The following CSMD1 variants were observed in gnomAD, a reference collection of about 807,000 sequenced individuals.
CSMD1 encodes the protein CUB and sushi domain-containing protein 1.
In CSMD1, 213 loss-of-function variants were observed where a neutral mutation model predicts 417.5. The ratio of observed to expected loss-of-function variants is 0.51; its 90% confidence interval spans 0.46 to 0.57. CSMD1 has a LOEUF of 0.57. CSMD1 is among the 20% of genes least tolerant of loss of function. The probability of loss-of-function intolerance (pLI) is 0.00; values close to 1 mark genes in which losing one functional copy is unlikely to be tolerated. For missense variants in CSMD1, 6,923 were observed against 4,529.7 expected, an observed-to-expected ratio of 1.53 and a Z score of -15.17; for synonymous variants, 2,862 against 1,736.8, an observed-to-expected ratio of 1.65 and a Z score of -16.11.
chr8:3,989,883 C>A (rs1487761300), intron 5 of CSMD1, among the ~76,000 whole-genome samples: 1 of 152,168 alleles, frequency 6.6e-6, no homozygotes, highest in South Asian at 2.1e-4. Flanking sequence ...ACCTTATTCT[C>A]CTAACCAGTC....
chr8:3,021,728 C>T (rs566450704), intron 51 of CSMD1, among the ~76,000 whole-genome samples: 11 of 120,910 alleles, frequency 9.1e-5, no homozygotes, highest in Middle Eastern at 4.0e-3. Context: ...CCTGCAATCC[C>T]GCAGCATCTG....
intron 6 of CSMD1, among the ~76,000 whole-genome samples, chr8:3,735,422 C>T (rs894098703): frequency 1.3e-5 from 2 of 152,128 alleles, no homozygotes; most frequent in African/African-American, 4.8e-5. Context: ...TAGATGATTC[C>T]AGAATGCATC....
intron 3 of CSMD1, among the ~76,000 whole-genome samples, chr8:4,397,955 T>A (rs966473808): frequency 1.3e-5 from 2 of 152,202 alleles, no homozygotes; most frequent in African/African-American, 4.8e-5. Context: ...AAATGGGTTG[T>A]CATACACCTG....
intron 1 of CSMD1, among the ~76,000 whole-genome samples, chr8:4,838,826 T>C (rs747132103): frequency 1.3e-5 from 2 of 152,204 alleles, no homozygotes; most frequent in African/African-American, 2.4e-5. Flanking sequence ...AGTGCTTCCA[T>C]GTGAATGTGA....
chr8:4,122,699 A>G (rs1204575124), intron 3 of CSMD1, among the ~76,000 whole-genome samples: 2 of 152,196 alleles, frequency 1.3e-5, no homozygotes, highest in African/African-American at 4.8e-5. Flanking sequence ...GGGCATGGCT[A>G]AATGCTGTAA....
At chr8:3,136,870 C>G (rs1011852129) in intron 41 of CSMD1, among the ~76,000 whole-genome samples, 9 of 152,166 alleles carry the variant, frequency 5.9e-5, no homozygotes, top group African/African-American at 1.9e-4. Flanking sequence ...GTGCCAGTAT[C>G]TGCAGTGACA....
intron 11 of CSMD1, among the ~76,000 whole-genome samples, chr8:3,489,909 C>T (rs548944851): frequency 1.3e-5 from 2 of 152,128 alleles, no homozygotes; most frequent in Admixed American, 6.5e-5. Flanking sequence ...TTTTAAACTG[C>T]TGCTTTATGT....
intron 2 of CSMD1, among the ~76,000 whole-genome samples, chr8:4,456,126 G>C (rs1384083245): frequency 1.3e-5 from 2 of 148,298 alleles, no homozygotes; most frequent in Admixed American, 6.7e-5. Context: ...AGGACATTAT[G>C]CCAAATGCTG....
At chr8:4,063,712 G>C (rs2554700) in intron 3 of CSMD1, among the ~76,000 whole-genome samples, 127,178 of 152,234 alleles carry the variant, frequency 0.84, 53,163 homozygotes, top group Admixed American at 0.88. Context: ...CCTAAGTAAG[G>C]AGTCCACTGC....
rs11990202 is a variant in CSMD1, at chr8:4,399,173, T to G, written c.415+20780A>C. Among the ~76,000 whole-genome samples, 997 of 152,276 alleles carry G rather than the reference T, an allele frequency of 6.5e-3. 9 individuals carry two copies. Among genetic ancestry groups the G allele is most frequent in the South Asian group, 0.024 (114 of 4,826 alleles). ...TTTGTGTGATCAGCATACAGATTAA[T>G]AAATAAAGATGATCCTAGCCTGGAA... On this transcript the variant is annotated intron_variant, in intron 3 of 69. Coordinates refer to ENST00000635120, the MANE Select transcript of CSMD1 (RefSeq NM_033225.6).
chr8:4,226,486 G>A (rs1049404348), intron 3 of CSMD1, among the ~76,000 whole-genome samples: 2 of 152,080 alleles, frequency 1.3e-5, no homozygotes, highest in African/African-American at 4.8e-5. Context: ...AAATTTTACA[G>A]GACTTTGCAG....
chr8:3,986,849 G>A (rs1814362626), intron 5 of CSMD1, among the ~76,000 whole-genome samples: 1 of 152,112 alleles, frequency 6.6e-6, no homozygotes, highest in Non-Finnish European at 1.5e-5. Flanking sequence ...TCTGCTCCCA[G>A]GTTCAAGCAA....
chr8:3,580,843 C>T (rs1217117717), intron 9 of CSMD1, among the ~76,000 whole-genome samples: 4 of 152,116 alleles, frequency 2.6e-5, no homozygotes, highest in Non-Finnish European at 5.9e-5. Context: ...TTTAAAAGGT[C>T]ATTTCTACAA....
Position 3,957,146 on chromosome 8 carries a change from C to T in CSMD1, c.818+40757G>A, listed in dbSNP as rs371822037. Among the ~76,000 whole-genome samples the T allele has an allele frequency of 3.0e-4, 14 of 46,788 alleles. 1 individual carries two copies. In the East Asian group the frequency reaches 0.026, roughly 86 times the overall value. The allele number at this position is 46,788 out of a possible 152,430, so 30.7% of individuals were successfully genotyped here. A position where few individuals can be genotyped will look rare whatever the true frequency, so the allele number is the denominator to read the frequency against. Reference sequence around the variant, plus strand: ...CCTAATGCCCTGCCTCTTTCTCCCCCTACTTCACACCCAGCTCTGCTAGAT... The same window carrying T: ...CCTAATGCCCTGCCTCTTTCTCCCCTTACTTCACACCCAGCTCTGCTAGAT... On this transcript the variant is annotated intron_variant, in intron 5 of 69. Transcript: ENST00000635120.
chr8:3,539,185 C>T (rs1374256029), intron 10 of CSMD1, among the ~76,000 whole-genome samples: 2 of 152,110 alleles, frequency 1.3e-5, no homozygotes, highest in Non-Finnish European at 2.9e-5. Context: ...CTTGCATTTG[C>T]TGTAATTTAG....
chr8:4,657,522 A>G (rs1214514044), intron 1 of CSMD1, among the ~76,000 whole-genome samples: 1 of 152,178 alleles, frequency 6.6e-6, no homozygotes, highest in African/African-American at 2.4e-5. Flanking sequence ...CAAAGAACAA[A>G]CATAGAAAAG....
intron 5 of CSMD1, among the ~76,000 whole-genome samples, chr8:3,907,140 C>T (rs890737074): frequency 7.2e-5 from 11 of 152,168 alleles, no homozygotes; most frequent in African/African-American, 2.7e-4. Flanking sequence ...CATTACTTTT[C>T]ATGTTACGTT....
At chr8:3,751,326 GTATA>G (rs375444006) in intron 6 of CSMD1, among the ~76,000 whole-genome samples, 172 of 132,910 alleles carry the variant, frequency 1.3e-3, no homozygotes, top group African/African-American at 4.1e-3. Flanking sequence ...GTGTGTGTGT[GTATA>G]TATATATATA....
chr8:4,903,742 C>T (rs1007316589), intron 1 of CSMD1, among the ~76,000 whole-genome samples: 3 of 152,148 alleles, frequency 2.0e-5, no homozygotes, highest in African/African-American at 7.2e-5. Context: ...AGTCAGAGCT[C>T]CACAATGGAA....
Sources: allele counts gnomAD v4.1 joint callset (sites outside exome capture counted in the v4.1 genomes callset), GRCh38; gene constraint gnomAD v4.1.1; transcripts MANE v1.5; gene names NCBI Gene and HGNC (gene_info 2026-07-23, HGNC 2026-07-21).